Variants in BACH2 observed in about 807,000 individuals in gnomAD.
BACH2 encodes the protein BACH transcriptional regulator 2.
In BACH2, 5 loss-of-function variants were observed where a neutral mutation model predicts 61.8. The ratio of observed to expected loss-of-function variants is 0.08; its 90% CI spans 0.04 to 0.17. The LOEUF is 0.17. Among genes scored for constraint, BACH2 ranks in the 10% least tolerant of loss-of-function variants. The pLI, the probability that BACH2 is intolerant of heterozygous loss-of-function variation, is 1.00. For missense variants in BACH2, 824 were observed against 1,091.1 expected (o/e 0.76, Z 3.45); for synonymous variants, 446 against 440.1 (o/e 1.01, Z -0.17).
Position 89,950,279 on chromosome 6 carries a change from CCT to C in BACH2, c.1825_1826del (p.Arg609GlyfsTer26). 1 of 1,614,100 alleles carries C rather than the reference CCT, an allele frequency of 6.2e-7. No individual in the cohort carries two copies. Among genetic ancestry groups the C allele is most frequent in the African/African-American group, 1.3e-5 (1 of 75,006 alleles). ...TATGTGGGTTCCCTACCTCCTGGCCCCTGTCCTGCACAGGACACGACTCACTG... is the reference window on the plus strand; with the variant it reads ...TATGTGGGTTCCCTACCTCCTGGCCCGTCCTGCACAGGACACGACTCACTG... ...ADSESCPVQD[R>X]GQEVKLPFPV... On this transcript the variant is annotated frameshift_variant, in exon 7 of 9. Transcript: ENST00000257749. LOFTEE classifies it high-confidence loss of function. This position sits in a 1 kb window ranked among gnomAD's most constrained non-coding sequence, Gnocchi z 5.3.
intron 4 of BACH2, among the ~76,000 whole-genome samples, chr6:90,105,441 G>C (rs1378033345): frequency 6.6e-6 from 1 of 152,128 alleles, no homozygotes; most frequent in Non-Finnish European, 1.5e-5. Flanking sequence ...TACATACTTT[G>C]TAATGTGTTT....
chr6:90,183,079 G>A (rs550670117), intron 4 of BACH2, among the ~76,000 whole-genome samples: 2 of 152,288 alleles, frequency 1.3e-5, no homozygotes, highest in African/African-American at 4.8e-5. Context: ...CTGGCATTCA[G>A]TGTGAAATCA....
chr6:90,014,440 GTATATATATATA>G (rs1201471150), intron 5 of BACH2, among the ~76,000 whole-genome samples: 6 of 48,040 alleles, frequency 1.2e-4, no homozygotes, highest in South Asian at 1.1e-3. Flanking sequence ...GTGTGTGTGT[GTATATATATATA>G]TATATATATA....
intron 2 of BACH2, among the ~76,000 whole-genome samples, chr6:90,266,844 C>T (rs778850818): frequency 8.6e-5 from 13 of 151,996 alleles, no homozygotes; most frequent in South Asian, 2.1e-4. Flanking sequence ...CCCAGTCGCA[C>T]GGCACTGTAA....
intron 2 of BACH2, among the ~76,000 whole-genome samples, chr6:90,262,716 C>T (rs781385745): frequency 6.6e-6 from 1 of 152,224 alleles, no homozygotes. Flanking sequence ...CCAATTTACA[C>T]GTGAAAAGTG....
chr6:89,941,141 G>T (rs1773404421), intron 7 of BACH2, among the ~76,000 whole-genome samples: 2 of 152,222 alleles, frequency 1.3e-5, no homozygotes, highest in African/African-American at 4.8e-5. Context: ...CTTCAAGGGA[G>T]TGAGGATGAA....
At chr6:90,063,724 C>G (rs1030939458) in intron 5 of BACH2, among the ~76,000 whole-genome samples, 1 of 152,208 alleles carries the variant, frequency 6.6e-6, no homozygotes, top group African/African-American at 2.4e-5. Context: ...ACCCACCCTA[C>G]CTCTTTCATA....
At position 89,960,244 on chromosome 6, in the gene BACH2, T is replaced by C. The variant is rs372681307; in HGVS notation, c.244-8382A>G. Among the ~76,000 whole-genome samples, 10 of 152,336 alleles carry C rather than the reference T, an allele frequency of 6.6e-5. No homozygotes were observed. The East Asian group carries it at 1.9e-3, about 29-fold the overall frequency. ...CCTCTATTTGAAACACCTGGCATGG[T>C]TTCTAGTTCCCTGACTTAACAATCC... is the stretch of plus-strand genomic sequence containing the variant. On this transcript the variant is annotated intron_variant, in intron 6 of 8. Coordinates refer to ENST00000257749, the MANE Select transcript of BACH2 (RefSeq NM_021813.4).
Position 90,052,831 on chromosome 6 carries a change from A to C in BACH2, c.-13+36130T>G, listed in dbSNP as rs538341757. Among the ~76,000 whole-genome samples the C allele has an allele frequency of 1.3e-4, 20 of 152,320 alleles. No homozygotes were observed. In the South Asian group the frequency reaches 1.7e-3, roughly 13 times the overall value. On this transcript the variant is annotated intron_variant, in intron 5 of 8. Transcript: ENST00000257749. The stretch of plus-strand genomic sequence containing the variant: ...TATTTCTCTAAACACTGTATAGCTG[A>C]ATTGGTATTATATTTTTTAAAAAAT...
At chr6:90,093,841 T>C (rs990091655) in intron 4 of BACH2, among the ~76,000 whole-genome samples, 6 of 152,194 alleles carry the variant, frequency 3.9e-5, no homozygotes, top group African/African-American at 9.6e-5. Flanking sequence ...TCACAAAATC[T>C]TGAAGTAGCT....
intron 4 of BACH2, among the ~76,000 whole-genome samples, chr6:90,151,243 C>A (rs1784800314): frequency 1.3e-5 from 2 of 152,166 alleles, no homozygotes; most frequent in African/African-American, 4.8e-5. Context: ...TCCTTGGAAT[C>A]ATTTCGTGTG....
chr6:90,220,760 ATTAG>A, intron 3 of BACH2, among the ~76,000 whole-genome samples: 1 of 152,232 alleles, frequency 6.6e-6, no homozygotes, highest in South Asian at 2.1e-4. Context: ...TTTAAATTGC[ATTAG>A]CTTGACTGCC....
chr6:89,983,053 C>G (rs962652538), intron 6 of BACH2, among the ~76,000 whole-genome samples: 1 of 152,226 alleles, frequency 6.6e-6, no homozygotes, highest in Non-Finnish European at 1.5e-5. Flanking sequence ...CATTGGTTCC[C>G]TTTGCCTTGA....
At chr6:90,276,538 T>A (rs1279265935) in intron 1 of BACH2, among the ~76,000 whole-genome samples, 1 of 152,252 alleles carries the variant, frequency 6.6e-6, no homozygotes, top group Non-Finnish European at 1.5e-5. Context: ...CTAAGATTTT[T>A]TCTAAAAACA....
intron 3 of BACH2, among the ~76,000 whole-genome samples, chr6:90,226,519 C>T (rs206914): frequency 0.079 from 12,034 of 152,144 alleles, 1,482 homozygotes; most frequent in African/African-American, 0.26. Context: ...TGTGCATAAA[C>T]GACTCACAAT....
At chr6:90,201,564 T>C (rs896740692) in intron 4 of BACH2, among the ~76,000 whole-genome samples, 3 of 152,222 alleles carry the variant, frequency 2.0e-5, no homozygotes, top group African/African-American at 7.2e-5. Context: ...TAAGAACTCT[T>C]AATAACTCTT....
chr6:90,194,917 G>A (rs912535140), intron 4 of BACH2, among the ~76,000 whole-genome samples: 6 of 152,144 alleles, frequency 3.9e-5, no homozygotes, highest in Non-Finnish European at 7.4e-5. Context: ...GTTTCGAAGA[G>A]AAAAACTGTA....
At chr6:90,271,366 T>TAAAAAAAAAAAAAAAAAAAAAAAAA (rs3073450) in intron 2 of BACH2, among the ~76,000 whole-genome samples, 4 of 103,870 alleles carry the variant, frequency 3.9e-5, no homozygotes, top group African/African-American at 1.6e-4. Context: ...CAACCCCATT[T>TAAAAAAAAAAAAAAAAAAAAAAAAA]AAAAAAAAAA....
intron 4 of BACH2, among the ~76,000 whole-genome samples, chr6:90,150,572 G>A (rs574225979): frequency 2.6e-5 from 4 of 152,274 alleles, no homozygotes; most frequent in African/African-American, 2.4e-5. Context: ...GCAGGAGGAG[G>A]CAAGAAAAGC....
Sources: allele counts gnomAD v4.1 joint callset (sites outside exome capture counted in the v4.1 genomes callset), GRCh38; gene constraint gnomAD v4.1.1; non-coding constraint Gnocchi (gnomAD v3.1); transcripts MANE v1.5; gene names NCBI Gene and HGNC (gene_info 2026-07-23, HGNC 2026-07-21).